EPHX2: variants seen among roughly 807,000 people sequenced by gnomAD.
EPHX2 encodes the protein epoxide hydrolase 2.
Under a neutral mutation model 78.7 loss-of-function variants are expected in EPHX2, and 74 were observed. The observed-to-expected ratio is 0.94, with a 90% confidence interval of 0.78 to 1.14. The LOEUF is 1.14. EPHX2 is among the 50% of genes most tolerant of loss of function. The pLI is 0.00. For missense variants in EPHX2, 715 were observed against 702.5 expected (o/e 1.02, Z -0.20); for synonymous variants, 251 against 255.2 (o/e 0.98, Z 0.16).
At position 27,544,248 on chromosome 8, in the gene EPHX2, A is replaced by G. The variant is rs1453446152; in HGVS notation, c.1589+4A>G. 4 of 1,614,068 alleles carry G rather than the reference A, an allele frequency of 2.5e-6. No individual in the cohort carries two copies. Among genetic ancestry groups the G allele is most frequent in the Non-Finnish European group, 2.5e-6 (3 of 1,180,030 alleles). On this transcript the variant is annotated splice_donor_region_variant and intron_variant, in intron 18 of 18. Coordinates refer to ENST00000521400, the MANE Select transcript of EPHX2 (RefSeq NM_001979.6). ...GGCACTGGACACAGATGGACAAGTA[A>G]GGAGGTTGGGGGCTCCTGGGGTCGG... is the stretch of plus-strand genomic sequence containing the variant.
intron 1 of EPHX2, among the ~76,000 whole-genome samples, chr8:27,495,029 T>C (rs1038983573): frequency 2.0e-5 from 3 of 152,234 alleles, no homozygotes; most frequent in South Asian, 2.1e-4. Context: ...GTCTGCCTAA[T>C]GGTTTTCTTC....
chr8:27,526,470 A>G (rs1429818618), intron 12 of EPHX2, among the ~76,000 whole-genome samples: 2 of 152,174 alleles, frequency 1.3e-5, no homozygotes, highest in Non-Finnish European at 2.9e-5. Context: ...GGCCTGAATG[A>G]AAGCACAATG....
chr8:27,515,852 G>T, intron 7 of EPHX2, 39 bp downstream of exon 7: 1 of 1,571,950 alleles, frequency 6.4e-7, no homozygotes. Context: ...TCAGGGTGAG[G>T]TTGGGGGAGT....
At chr8:27,535,939 T>G (rs1008624985) in intron 12 of EPHX2, among the ~76,000 whole-genome samples, 1 of 152,210 alleles carries the variant, frequency 6.6e-6, no homozygotes, top group Non-Finnish European at 1.5e-5. Context: ...TACATTGGCA[T>G]CTCTTGGTCC....
chr8:27,499,464 G>T (rs1173516832), intron 1 of EPHX2, among the ~76,000 whole-genome samples: 1 of 152,196 alleles, frequency 6.6e-6, no homozygotes, highest in Non-Finnish European at 1.5e-5. Context: ...ACTGTTACCT[G>T]CAAGAGGGTG....
intron 12 of EPHX2, among the ~76,000 whole-genome samples, chr8:27,533,546 G>A (rs956533071): frequency 6.6e-6 from 1 of 152,190 alleles, no homozygotes; most frequent in Middle Eastern, 3.2e-3. Context: ...CTGTTGCTCT[G>A]CTGCACTTTT....
chr8:27,513,452 A>G (rs2132739717), intron 6 of EPHX2, among the ~76,000 whole-genome samples: 1 of 152,264 alleles, frequency 6.6e-6, no homozygotes, highest in African/African-American at 2.4e-5. Flanking sequence ...GCCAGTTTCA[A>G]GAGATTATTT....
rs1299382632 is a variant in EPHX2 at position 27,536,786 on chromosome 8, A to G, written c.1173A>G (p.Gly391=). 2.5e-6 allele frequency: 4 copies of G among 1,611,096 alleles called. No individual in the cohort carries two copies. In the South Asian group the frequency reaches 4.4e-5, roughly 18 times the overall value. The part of the protein sequence containing the change: ...FDYQLYFQEP[G]VAEAELEQNL... ...TTTTGCTTTCTTGATTGTTTTAGGG[A>G]GTGGCTGAGGCTGAACTGGAACAGA... Residue 391 remains glycine (G), a splice_region_variant and synonymous_variant, in exon 13 of 19, where the codon GGA becomes GGG. Transcript: ENST00000521400.
intron 12 of EPHX2, among the ~76,000 whole-genome samples, chr8:27,534,924 G>C (rs1418552049): frequency 1.3e-5 from 2 of 152,192 alleles, no homozygotes; most frequent in Non-Finnish European, 2.9e-5. Context: ...TTTGGGTCCG[G>C]TGTTGAAGGC....
In EPHX2 at chr8:27,515,811, C is replaced by G; in HGVS notation, c.829C>G (p.Gln277Glu). 1.2e-6 allele frequency: 2 copies of G among 1,613,696 alleles called. No individual in the cohort carries two copies. The highest frequency in any genetic ancestry group is 1.7e-6 in the Non-Finnish European group (2 of 1,179,832). ...CGAGAGTTGGTATTCTTGGAGGTAC[C>G]AGGTGAGAAAGCTGGGGAAGATGCA... ...FPESWYSWRY[Q>E]IPALAQAGYR... Residue 277 changes from glutamine (Q) to glutamate (E), a missense_variant and splice_region_variant, in exon 7 of 19, where the codon CAG becomes GAG. Transcript: ENST00000521400.
chr8:27,524,245 C>A (rs992469907), intron 11 of EPHX2, among the ~76,000 whole-genome samples: 2 of 129,354 alleles, frequency 1.5e-5, no homozygotes, highest in African/African-American at 6.0e-5. Flanking sequence ...CTTTTCTATT[C>A]CTTTTGCTAG....
At chr8:27,499,304 A>ATATTATTAT (rs1813682088) in intron 1 of EPHX2, among the ~76,000 whole-genome samples, 2 of 152,234 alleles carry the variant, frequency 1.3e-5, no homozygotes, top group Admixed American at 1.3e-4. Context: ...CAAACGTTCA[A>ATATTATTAT]ACCATAGCAG....
rs145061702 is a variant in EPHX2 at position 27,543,760 on chromosome 8, G to A, written c.1461G>A (p.Pro487=). ...CKSLGRKILI[P]ALMVTAEKDF... ...TGTTCTCCCCCCAGATCCTGATTCCGGCCCTGATGGTCACGGCGGAGAAGG... is the reference window on the plus strand; with the variant it reads ...TGTTCTCCCCCCAGATCCTGATTCCAGCCCTGATGGTCACGGCGGAGAAGG... Residue 487 remains proline, a synonymous_variant, in exon 17 of 19, where the codon CCG becomes CCA. Transcript: ENST00000521400. The A allele has an allele frequency of 1.1e-4, 178 of 1,613,886 alleles. No individual in the cohort carries two copies. Among genetic ancestry groups the A allele is most frequent in the Non-Finnish European group, 1.4e-4 (165 of 1,180,002 alleles).
chr8:27,545,102 C>G lies in EPHX2; in HGVS notation c.*580C>G, dbSNP rs1379452247. On this transcript the variant is annotated 3_prime_UTR_variant, in exon 19 of 19. Transcript: ENST00000521400. ...TGGCAGTGGTGTCTTGTGCTCTGTC[C>G]CCTAGAGCAGTCACTGGCCACAGGT... The G allele has an allele frequency of 2.0e-5, 3 of 152,742 alleles. No homozygotes were observed. The South Asian group carries it at 6.2e-4, about 32-fold the overall frequency. 9.5% of individuals were successfully genotyped at this position (152,742 alleles called of 1,614,324 possible). A position where few individuals can be genotyped will look rare whatever the true frequency, so the allele number is the denominator to read the frequency against.
chr8:27,529,895 AAAAAAAAAGAAAAAG>A (rs1171536396), intron 12 of EPHX2, among the ~76,000 whole-genome samples: 1 of 151,914 alleles, frequency 6.6e-6, no homozygotes, highest in Non-Finnish European at 1.5e-5. Context: ...TGAGCAAAAA[AAAAAAAAAGAAAAAG>A]AAAAAAGAGC....
intron 9 of EPHX2, among the ~76,000 whole-genome samples, chr8:27,520,072 G>A (rs1814594227): frequency 6.6e-6 from 1 of 151,464 alleles, no homozygotes; most frequent in South Asian, 2.1e-4. Flanking sequence ...CAACTTCTGG[G>A]CTCAAGGGAT....
chr8:27,518,801 A>G (rs537451516), intron 9 of EPHX2, among the ~76,000 whole-genome samples: 10 of 152,218 alleles, frequency 6.6e-5, no homozygotes, highest in African/African-American at 2.4e-4. Context: ...TAAAAGTTCC[A>G]TTTCCAGGCA....
At chr8:27,498,237 C>T (rs1280754389) in intron 1 of EPHX2, among the ~76,000 whole-genome samples, 1 of 152,160 alleles carries the variant, frequency 6.6e-6, no homozygotes, top group Non-Finnish European at 1.5e-5. Context: ...TTGAAGGGGA[C>T]ATAACCGATA....
Position 27,491,300 on chromosome 8 carries a change from C to G in EPHX2, c.92C>G (p.Ala31Gly). 1.9e-6 allele frequency: 3 copies of G among 1,548,712 alleles called. No homozygotes were observed. The highest frequency in any genetic ancestry group is 1.2e-5 in the South Asian group (1 of 84,954). The change falls in exon 1 of 19, where the codon GCG (alanine) becomes GGG (glycine). Residue 31 changes from alanine (A) to glycine (G), a missense_variant. Coordinates refer to ENST00000521400, the MANE Select transcript of EPHX2 (RefSeq NM_001979.6). The part of the protein sequence containing the change: ...GVLGRTEEAL[A>G]LPRGLLNDAF... The stretch of plus-strand genomic sequence containing the variant: ...CTCGGCCGCACGGAGGAGGCCCTGG[C>G]GCTGCCCAGGTAAGGGGGCCCAGCG...
Sources: gnomAD v4.1 joint callset for allele counts (sites outside exome capture counted in the v4.1 genomes callset) on GRCh38, gnomAD v4.1.1 for gene constraint, MANE v1.5 for transcripts, NCBI Gene and HGNC (gene_info 2026-07-23, HGNC 2026-07-21) for gene names.